Variants in ATP11B observed in about 807,000 individuals in gnomAD.
The protein encoded by ATP11B is phospholipid-transporting ATPase IF.
Under a neutral mutation model 157.8 loss-of-function variants are expected in ATP11B, and 81 were observed. The ratio of observed to expected loss-of-function variants is 0.51; its 90% CI spans 0.43 to 0.62. The LOEUF is 0.62. Ranked by LOEUF, ATP11B falls within the 20% of genes least tolerant of loss-of-function variation. ATP11B has a pLI of 0.00. For synonymous variants in ATP11B, 451 were observed against 469.4 expected (o/e 0.96, Z 0.51); for missense variants, 1,165 against 1,402.2 (o/e 0.83, Z 2.70).
chr3:182,917,307 T>C (rs1725205663), intron 29 of ATP11B: 1 of 985,268 alleles, frequency 1.0e-6, no homozygotes, highest in South Asian at 4.7e-5. Flanking sequence ...GGTTAGTCTA[T>C]TTTAAGCATG....
intron 1 of ATP11B, among the ~76,000 whole-genome samples, chr3:182,813,653 T>TA (rs1285699016): frequency 3.9e-5 from 6 of 152,352 alleles, no homozygotes; most frequent in Non-Finnish European, 8.8e-5. Context: ...AGAACCGCTT[T>TA]AAAATTTTTT....
chr3:182,860,473 G>A (rs528674991), intron 12 of ATP11B, among the ~76,000 whole-genome samples: 7 of 151,980 alleles, frequency 4.6e-5, no homozygotes, highest in African/African-American at 1.2e-4. Context: ...CTTGGTGTTC[G>A]TTTTTCCTTT....
chr3:182,845,009 T>TTTTTTG (rs1719379723), intron 8 of ATP11B, among the ~76,000 whole-genome samples: 1 of 112,090 alleles, frequency 8.9e-6, no homozygotes, highest in Non-Finnish European at 1.7e-5. Flanking sequence ...TTTTTTTATT[T>TTTTTTG]TTTTTTATTT....
In ATP11B at chr3:182,865,606, T is replaced by A. The variant is rs778311685; in HGVS notation, c.1351T>A (p.Ser451Thr). Residue 451 changes from serine to threonine, a missense_variant, in exon 13 of 30, where the codon TCT becomes ACT. Physicochemically the swap from Ser to Thr is moderately conservative, Grantham distance 58 (BLOSUM62 1). Coordinates refer to ENST00000323116, the MANE Select transcript of ATP11B (RefSeq NM_014616.3). The stretch of plus-strand genomic sequence containing the variant: ...ACCAGACTCTTCAGAAGGAAACTTA[T>A]CTTATCTTAGTAGTTTATCCCATCT... ...PTPDSSEGNL[S>T]YLSSLSHLNN... is the part of the protein sequence containing the mutation. The A allele has an allele frequency of 3.1e-6, 5 of 1,613,804 alleles. No individual in the cohort carries two copies. The South Asian group carries it at 3.3e-5, about 11-fold the overall frequency.
Position 182,913,918 on chromosome 3 carries a change from G to A in ATP11B, c.3376G>A (p.Gly1126Arg). The change falls in exon 29 of 30, where the codon GGA (glycine) becomes AGA (arginine). Residue 1126 changes from glycine to arginine, a missense_variant. Gly to Arg is a moderately radical substitution (Grantham distance 125). This residue lies in a region of ATP11B where 303 missense variants were observed against 296.3 expected (regional missense o/e 1.02). Coordinates refer to ENST00000323116, the MANE Select transcript of ATP11B (RefSeq NM_014616.3). Reference sequence around the variant, plus strand: ...GGACTCCATGTGCTGTTTCCCGGAAGGAGAAGCAGCGTGTGCATCTGTTGG... The same window carrying A: ...GGACTCCATGTGCTGTTTCCCGGAAAGAGAAGCAGCGTGTGCATCTGTTGG... ...CLDSMCCFPE[G>R]EAACASVGRM... is the part of the protein sequence containing the mutation. 6.2e-7 allele frequency: 1 copy of A among 1,614,158 alleles called. No homozygotes were observed. Among genetic ancestry groups the A allele is most frequent in the South Asian group, 1.1e-5 (1 of 91,090 alleles).
intron 22 of ATP11B, among the ~76,000 whole-genome samples, chr3:182,885,167 G>A (rs1473024517): frequency 6.6e-6 from 1 of 152,050 alleles, no homozygotes; most frequent in Non-Finnish European, 1.5e-5. Flanking sequence ...CCAATATAAT[G>A]GTTTTAAGTA....
chr3:182,847,806 CTAA>C (rs980083474), intron 9 of ATP11B, among the ~76,000 whole-genome samples: 2 of 152,116 alleles, frequency 1.3e-5, no homozygotes, highest in African/African-American at 4.8e-5. Flanking sequence ...GGATGTAGAA[CTAA>C]TAAGTGGCAG....
chr3:182,837,086 C>G lies in ATP11B; in HGVS notation c.568C>G (p.Pro190Ala). The stretch of plus-strand genomic sequence containing the variant: ...TTTTTTTCAGACACATGTGGCAGTT[C>G]CAGAAACAGCATTATTACAAACAGT... ...ETNLKTHVAVPETALLQTVAN... is the reference protein window; with the variant it reads ...ETNLKTHVAVAETALLQTVAN... Residue 190 changes from proline to alanine, a missense_variant, in exon 7 of 30, where the codon CCA becomes GCA. By Grantham distance (27) the Pro-to-Ala change is conservative (BLOSUM62 -1). Coordinates refer to ENST00000323116, the MANE Select transcript of ATP11B (RefSeq NM_014616.3). The G allele has an allele frequency of 6.2e-7, 1 of 1,612,556 alleles. No individual in the cohort carries two copies. The highest frequency in any genetic ancestry group is 8.5e-7 in the Non-Finnish European group (1 of 1,179,190).
In ATP11B at chr3:182,859,349, AGCTTG is replaced by A; in HGVS notation, c.1192_1196del (p.Leu398ThrfsTer9). On this transcript the variant is annotated frameshift_variant, in exon 12 of 30. Coordinates refer to ENST00000323116, the MANE Select transcript of ATP11B (RefSeq NM_014616.3). LOFTEE classifies it high-confidence loss of function. ...GTCAATACTTCCGATCTGAATGAAG[AGCTTG>A]GACAGGTGAAAATGATCCTAATATT... 6.3e-7 allele frequency: 1 copy of A among 1,584,426 alleles called. No homozygotes were observed.
At chr3:182,885,221 T>C (rs1320348216) in intron 22 of ATP11B, among the ~76,000 whole-genome samples, 1 of 152,134 alleles carries the variant, frequency 6.6e-6, no homozygotes, top group African/African-American at 2.4e-5. Context: ...TTTAGTAGTC[T>C]AGTGAAATGT....
intron 21 of ATP11B, among the ~76,000 whole-genome samples, chr3:182,883,415 GC>G (rs1253370235): frequency 6.6e-6 from 1 of 151,502 alleles, no homozygotes; most frequent in Non-Finnish European, 1.5e-5. Context: ...CCACCACCAT[GC>G]CCAACTAATT....
intron 9 of ATP11B, 117 bp downstream of exon 9, chr3:182,845,639 A>G: frequency 1.5e-6 from 1 of 687,746 alleles, no homozygotes; most frequent in Non-Finnish European, 2.2e-6. Flanking sequence ...TTTGTCATTT[A>G]TGATAATTTT....
Position 182,869,139 on chromosome 3 carries a change from C to A in ATP11B, c.1750C>A (p.Gln584Lys). Residue 584 changes from glutamine to lysine, a missense_variant, in exon 16 of 30, where the codon CAG (glutamine) becomes AAG (lysine). By Grantham distance (53) the Gln-to-Lys change is moderately conservative. Transcript: ENST00000323116. ...SDRRRMSVIV[Q>K]APSGEKLLFA... is the part of the protein sequence containing the mutation. ...TCGTAGGAGAATGAGTGTAATTGTT[C>A]AGGCACCTTCAGGTAACCAATCTAA... 1 of 1,610,116 alleles carries A rather than the reference C, an allele frequency of 6.2e-7. No individual in the cohort carries two copies. The highest frequency in any genetic ancestry group is 8.5e-7 in the Non-Finnish European group (1 of 1,177,760).
chr3:182,848,107 A>C (rs1382298472), intron 9 of ATP11B, among the ~76,000 whole-genome samples: 1 of 152,218 alleles, frequency 6.6e-6, no homozygotes, highest in Non-Finnish European at 1.5e-5. Context: ...CCAACCTAAC[A>C]GAAAGTGCTT....
At chr3:182,881,036 T>C (rs1722385685) in intron 21 of ATP11B, 55 bp downstream of exon 21, 4 of 1,321,998 alleles carry the variant, frequency 3.0e-6, no homozygotes, top group Admixed American at 2.4e-5. Context: ...GGTGGTATTA[T>C]TTGGTGGTTT....
intron 28 of ATP11B, among the ~76,000 whole-genome samples, chr3:182,900,519 G>T (rs1723880590): frequency 6.6e-6 from 1 of 151,912 alleles, no homozygotes; most frequent in Admixed American, 6.6e-5. Context: ...ATTTATATCA[G>T]TGTGGACAGA....
At chr3:182,881,088 T>G (rs901546896) in intron 21 of ATP11B, 107 bp downstream of exon 21, 2 of 739,972 alleles carry the variant, frequency 2.7e-6, no homozygotes, top group Non-Finnish European at 4.3e-6. Context: ...ATCAAATTTG[T>G]GAATGAAAAT....
chr3:182,892,320 C>T (rs998596813), intron 25 of ATP11B, among the ~76,000 whole-genome samples: 13 of 152,162 alleles, frequency 8.5e-5, no homozygotes, highest in Non-Finnish European at 1.6e-4. Flanking sequence ...GTCTAGGCCG[C>T]GTCTCATTGC....
rs1234803581 is a variant in ATP11B at position 182,869,143 on chromosome 3, C to G, written c.1754C>G (p.Ala585Gly). 4 of 1,610,046 alleles carry G rather than the reference C, an allele frequency of 2.5e-6. No individual in the cohort carries two copies. In the South Asian group the frequency reaches 3.3e-5, roughly 13 times the overall value. The stretch of plus-strand genomic sequence containing the variant: ...AGGAGAATGAGTGTAATTGTTCAGG[C>G]ACCTTCAGGTAACCAATCTAAACTT... ...DRRRMSVIVQ[A>G]PSGEKLLFAK... The change falls in exon 16 of 30, where the codon GCA becomes GGA. Residue 585 changes from alanine (A) to glycine (G), a missense_variant. Physicochemically the swap from Ala to Gly is moderately conservative, Grantham distance 60. This residue lies in a region of ATP11B where 737 missense variants were observed against 930.5 expected (regional missense o/e 0.79). Transcript: ENST00000323116.
Sources: allele counts gnomAD v4.1 joint callset (sites outside exome capture counted in the v4.1 genomes callset), GRCh38; gene constraint gnomAD v4.1.1; regional missense constraint gnomAD v4.1.1; transcripts MANE v1.5; gene names NCBI Gene and HGNC (gene_info 2026-07-23, HGNC 2026-07-21).